NRDE2: variants seen among roughly 807,000 people sequenced by gnomAD.
NRDE2 encodes nuclear exosome regulator NRDE2.
In NRDE2, 76 loss-of-function variants were observed where a neutral mutation model predicts 124.2. The observed-to-expected ratio is 0.61, with a 90% CI of 0.51 to 0.74. The LOEUF (loss-of-function observed/expected upper bound fraction) is 0.74. Among genes scored for constraint, NRDE2 ranks in the 30% least tolerant of loss-of-function variants. The probability of loss-of-function intolerance (pLI) is 0.00; values close to 1 mark genes in which losing one functional copy is unlikely to be tolerated. For synonymous variants in NRDE2, 489 were observed against 528.1 expected, an observed-to-expected ratio of 0.93 and a Z score of 1.01; for missense variants, 1,314 against 1,417.3, an observed-to-expected ratio of 0.93 and a Z score of 1.17.
intron 1 of NRDE2, among the ~76,000 whole-genome samples, chr14:90,325,314 C>T (rs1885384165): frequency 6.6e-6 from 1 of 152,032 alleles, no homozygotes; most frequent in South Asian, 2.1e-4. Context: ...ATTTGATTCC[C>T]AAGCAACAAT....
At chr14:90,297,771 T>C (rs1376460374) in intron 8 of NRDE2, among the ~76,000 whole-genome samples, 1 of 151,806 alleles carries the variant, frequency 6.6e-6, no homozygotes, top group Non-Finnish European at 1.5e-5. Flanking sequence ...GGCGACCCTA[T>C]CTCTACCAAA....
Position 90,309,310 on chromosome 14 carries a change from GAA to G in NRDE2, c.557+3082_557+3083del, listed in dbSNP as rs142179497. Among the ~76,000 whole-genome samples, 4 of 142,566 alleles carry G rather than the reference GAA, an allele frequency of 2.8e-5. No individual in the cohort carries two copies. In the East Asian group the frequency reaches 6.0e-4, roughly 22 times the overall value. The allele number at this position is 142,566 out of a possible 152,430, so 93.5% of individuals were successfully genotyped here. A position where few individuals can be genotyped will look rare whatever the true frequency, so the allele number is the denominator to read the frequency against. On this transcript the variant is annotated intron_variant, in intron 4 of 13. Transcript: ENST00000354366. ...TTGGGCGAATTTTAGTGGCATACGG[GAA>G]AAAAAAAAAAATTAGCCGGGCATGG...
In NRDE2 at chr14:90,274,792, A is replaced by G. The variant is rs1435894201; in HGVS notation, c.*3544T>C. 1 of 11,378 alleles carries G rather than the reference A, an allele frequency of 8.8e-5. No homozygotes were observed. Among genetic ancestry groups the G allele is most frequent in the Non-Finnish European group, 1.8e-4 (1 of 5,484 alleles). 0.7% of individuals were successfully genotyped at this position (11,378 alleles called of 1,614,324 possible). On this transcript the variant is annotated 3_prime_UTR_variant, in exon 14 of 14. Transcript: ENST00000354366. ...TAGCCCTTTAAATAGGGAACTACAC[A>G]CACACACACACACACACACACACAC... is the stretch of plus-strand genomic sequence containing the variant.
At chr14:90,281,127 C>G (rs1891941005) in intron 12 of NRDE2, 1 of 152,448 alleles carries the variant, frequency 6.6e-6, no homozygotes, top group South Asian at 2.1e-4. Context: ...ATCTGAAGAA[C>G]TCAGCCAACA....
rs1884174974 is a variant in NRDE2 at position 90,296,760 on chromosome 14, C to T, written c.1666+1500G>A. ...CTCTCTCTATGCTGGAACTGCCTTT[C>T]GGGGAGTGAAGCAGTTCCTGAATGT... On this transcript the variant is annotated intron_variant, in intron 8 of 13. Coordinates refer to ENST00000354366, the MANE Select transcript of NRDE2 (RefSeq NM_017970.4). Among the ~76,000 whole-genome samples the T allele has an allele frequency of 3.4e-5, 5 of 148,728 alleles. No individual in the cohort carries two copies. In the South Asian group the frequency reaches 8.8e-4, roughly 26 times the overall value.
Position 90,331,898 on chromosome 14 carries a change from G to A in NRDE2, c.7C>T (p.Leu3=), listed in dbSNP as rs764528634. Residue 3 remains leucine (L), a synonymous_variant, in exon 1 of 14, where the codon CTG becomes TTG. Transcript: ENST00000354366. MA[L]FPAFAGLSEA... Reference sequence around the variant, plus strand: ...CTAAGCCCCGCAAAGGCTGGGAACAGCGCCATGACCACAGGCCGTACCTCC... The same window carrying A: ...CTAAGCCCCGCAAAGGCTGGGAACAACGCCATGACCACAGGCCGTACCTCC... 19 of 1,614,018 alleles carry A rather than the reference G, an allele frequency of 1.2e-5. No homozygotes were observed. The highest frequency in any genetic ancestry group is 1.6e-5 in the Non-Finnish European group (19 of 1,180,052).
At chr14:90,293,014 G>A in intron 8 of NRDE2, 142 bp from the exon 9 acceptor site, 2 of 713,726 alleles carry the variant, frequency 2.8e-6, no homozygotes, top group Non-Finnish European at 4.7e-6. Flanking sequence ...GATACTCAGT[G>A]GCATTTAGGA....
chr14:90,292,660 C>T (rs1461298395), intron 9 of NRDE2, 37 bp downstream of exon 9: 1 of 1,597,374 alleles, frequency 6.3e-7, no homozygotes, highest in Non-Finnish European at 8.6e-7. Context: ...GCAGGGACCC[C>T]CTGGACAGCT....
intron 2 of NRDE2, 69 bp downstream of exon 2, chr14:90,317,925 TTTCTAAGGAGC>T: frequency 1.0e-6 from 1 of 989,472 alleles, no homozygotes; most frequent in Admixed American, 2.3e-5. Context: ...TTATTAGAGT[TTTCTAAGGAGC>T]TTCATTTCAG....
At position 90,290,529 on chromosome 14, in the gene NRDE2, G is replaced by A. The variant is rs774254395; in HGVS notation, c.1921C>T (p.Leu641=). The change falls in exon 10 of 14, where the codon CTG becomes TTG. Residue 641 remains leucine, a synonymous_variant. Coordinates refer to ENST00000354366, the MANE Select transcript of NRDE2 (RefSeq NM_017970.4). Reference sequence around the variant, plus strand: ...CCAGAAGGCACACCCAAGAACTGCAGGAAGGCCTCCACCAGCTGGAACTGA... The same window carrying A: ...CCAGAAGGCACACCCAAGAACTGCAAGAAGGCCTCCACCAGCTGGAACTGA... ...DLQFQLVEAF[L]QFLGVPSGFT... 1.9e-6 allele frequency: 3 copies of A among 1,613,886 alleles called. No homozygotes were observed. The highest frequency in any genetic ancestry group is 2.5e-6 in the Non-Finnish European group (3 of 1,180,000).
At chr14:90,306,151 A>T (rs1415537744) in intron 4 of NRDE2, among the ~76,000 whole-genome samples, 1 of 152,150 alleles carries the variant, frequency 6.6e-6, no homozygotes, top group Non-Finnish European at 1.5e-5. Flanking sequence ...GTATATTAAA[A>T]TTTTTTCCTA....
rs148212985 is a variant in NRDE2, at chr14:90,268,762, C to A, written c.*9574G>T. 4.6e-5 allele frequency: 9 copies of A among 197,514 alleles called. No individual in the cohort carries two copies. The highest frequency in any genetic ancestry group is 1.9e-4 in the African/African-American group (8 of 43,158). 12.2% of individuals were successfully genotyped at this position (197,514 alleles called of 1,614,324 possible). A position where few individuals can be genotyped will look rare whatever the true frequency, so the allele number is the denominator to read the frequency against. On this transcript the variant is annotated 3_prime_UTR_variant, in exon 14 of 14. Coordinates refer to ENST00000354366, the MANE Select transcript of NRDE2 (RefSeq NM_017970.4). Reference sequence around the variant, plus strand: ...AAACATGGAAACAGAATAAATGATACAATTTCAGACACAGAAACTGCTATG... The same window carrying A: ...AAACATGGAAACAGAATAAATGATAAAATTTCAGACACAGAAACTGCTATG...
At chr14:90,294,588 G>T (rs1347446586) in intron 8 of NRDE2, among the ~76,000 whole-genome samples, 2 of 152,126 alleles carry the variant, frequency 1.3e-5, no homozygotes, top group African/African-American at 2.4e-5. Flanking sequence ...GTCACAGGAG[G>T]TCAACTACTG....
intron 8 of NRDE2, among the ~76,000 whole-genome samples, chr14:90,294,927 G>A (rs1346229489): frequency 6.6e-6 from 1 of 152,158 alleles, no homozygotes. Context: ...GAACAGATTA[G>A]TGGTTCCCAT....
chr14:90,306,676 G>A (rs1160815374), intron 4 of NRDE2, among the ~76,000 whole-genome samples: 1 of 152,068 alleles, frequency 6.6e-6, no homozygotes, highest in Non-Finnish European at 1.5e-5. Flanking sequence ...TGGGCGTGGT[G>A]GCACACGACT....
chr14:90,304,076 AG>A lies in NRDE2; in HGVS notation c.863del (p.Pro288LeufsTer52). 2 of 1,614,180 alleles carry A rather than the reference AG, an allele frequency of 1.2e-6. No homozygotes were observed. The highest frequency in any genetic ancestry group is 8.5e-7 in the Non-Finnish European group (1 of 1,180,022). On this transcript the variant is annotated frameshift_variant, in exon 5 of 14. Coordinates refer to ENST00000354366, the MANE Select transcript of NRDE2 (RefSeq NM_017970.4). LOFTEE classifies it high-confidence loss of function. ...CTGGCTGCTTTGATTCCTGCTCTGG[AG>A]GACCCTGTCCTTGTAGCCAATGTGT... ...STTHWLQGQG[P>X]PEQESKQPDA...
chr14:90,291,593 T>A (rs576259927), intron 9 of NRDE2, among the ~76,000 whole-genome samples: 1 of 151,724 alleles, frequency 6.6e-6, no homozygotes, highest in East Asian at 1.9e-4. Flanking sequence ...CTGCAGACAT[T>A]CAGCTTCAGC....
At chr14:90,324,384 A>T (rs551230107) in intron 1 of NRDE2, among the ~76,000 whole-genome samples, 3 of 152,254 alleles carry the variant, frequency 2.0e-5, no homozygotes, top group African/African-American at 7.2e-5. Flanking sequence ...GTTTAAGAAC[A>T]CACATTTTAG....
chr14:90,322,831 CAA>C (rs1171291809), intron 1 of NRDE2, among the ~76,000 whole-genome samples: 2 of 152,144 alleles, frequency 1.3e-5, no homozygotes, highest in Non-Finnish European at 2.9e-5. Context: ...AATCAGACTG[CAA>C]AGTCATTTTC....
Sources: allele counts gnomAD v4.1 joint callset (sites outside exome capture counted in the v4.1 genomes callset), GRCh38; gene constraint gnomAD v4.1.1; transcripts MANE v1.5; gene names NCBI Gene and HGNC (gene_info 2026-07-23, HGNC 2026-07-21).